DHX32: variants seen among roughly 807,000 people sequenced by gnomAD.
DHX32 encodes DEAH-box helicase 32 (putative), also known as putative pre-mRNA-splicing factor ATP-dependent RNA helicase DHX32.
Under a neutral mutation model 70.0 loss-of-function variants are expected in DHX32, and 51 were observed. The observed-to-expected ratio is 0.73, with a 90% CI of 0.58 to 0.92. The LOEUF is 0.92. DHX32 is among the 40% of genes least tolerant of loss of function. The pLI, the probability that DHX32 is intolerant of heterozygous loss-of-function variation, is 0.00. For missense variants in DHX32, 762 were observed against 891.8 expected (o/e 0.85, Z 1.85); for synonymous variants, 310 against 315.3 (o/e 0.98, Z 0.18).
chr10:125,893,854 C>A (rs1475396840), intron 1 of DHX32, among the ~76,000 whole-genome samples: 1 of 152,392 alleles, frequency 6.6e-6, no homozygotes, highest in South Asian at 2.1e-4. Context: ...ATAACATGTT[C>A]ATTTGCTACA....
intron 1 of DHX32, among the ~76,000 whole-genome samples, chr10:125,886,844 T>A (rs1944343254): frequency 6.6e-6 from 1 of 152,286 alleles, no homozygotes; most frequent in African/African-American, 2.4e-5. Flanking sequence ...AGATCACTGA[T>A]CTTTGTGGGA....
chr10:125,866,799 T>C lies in DHX32; in HGVS notation c.476+191A>G, dbSNP rs1944222985. Among the ~76,000 whole-genome samples, 1 of 152,222 alleles carries C rather than the reference T, an allele frequency of 6.6e-6. No homozygotes were observed. Among genetic ancestry groups the C allele is most frequent in the South Asian group, 2.1e-4 (1 of 4,826 alleles). The stretch of plus-strand genomic sequence containing the variant: ...GGGATAATGGGAGTCATGGGATACA[T>C]TTAGACAAGGAATCCCAGATGATGC... On this transcript the variant is annotated intron_variant, in intron 2 of 10. Coordinates refer to ENST00000284690, the MANE Select transcript of DHX32 (RefSeq NM_018180.3). This position sits in a 1 kb window ranked among gnomAD's most constrained non-coding sequence, Gnocchi z 4.8.
In DHX32 at chr10:125,859,725, C is replaced by A; in HGVS notation, c.727G>T (p.Val243Leu). The change falls in exon 3 of 11, where the codon GTG becomes TTG. Residue 243 changes from valine (V) to leucine (L), a missense_variant. This residue lies in a region of DHX32 where 394 missense variants were observed against 473.1 expected (regional missense o/e 0.83). Transcript: ENST00000284690. ...PVIEVKNKHP[V>L]EVVYLSEAQK... ...GCCTCACTAAGGTACACAACCTCCA[C>A]AGGGTGTTTATTTTTCACTTCTATG... 1.9e-6 allele frequency: 3 copies of A among 1,614,094 alleles called. No homozygotes were observed. The highest frequency in any genetic ancestry group is 2.5e-6 in the Non-Finnish European group (3 of 1,180,016).
At chr10:125,859,041 G>GTTTTTTTTTTTTTTTTTTTTT (rs1168999968) in intron 3 of DHX32, among the ~76,000 whole-genome samples, 2 of 134,204 alleles carry the variant, frequency 1.5e-5, no homozygotes, top group African/African-American at 5.6e-5. Context: ...TTGTTTGTTT[G>GTTTTTTTTTTTTTTTTTTTTT]TTTGTTTTTT....
At chr10:125,872,252 T>TG (rs1167653684) in intron 1 of DHX32, among the ~76,000 whole-genome samples, 2 of 152,234 alleles carry the variant, frequency 1.3e-5, no homozygotes, top group East Asian at 3.8e-4. Context: ...GTTAGAGGTT[T>TG]TGTTTCTACC....
At chr10:125,878,881 G>GT (rs1424020421) in intron 1 of DHX32, among the ~76,000 whole-genome samples, 1 of 143,562 alleles carries the variant, frequency 7.0e-6, no homozygotes, top group African/African-American at 2.6e-5. Flanking sequence ...GCTAATTTTT[G>GT]TATTTTTTAG....
intron 1 of DHX32, among the ~76,000 whole-genome samples, chr10:125,877,507 T>C (rs1944291408): frequency 6.6e-6 from 1 of 152,008 alleles, no homozygotes; most frequent in Non-Finnish European, 1.5e-5. Context: ...GCCAAAATTG[T>C]GAAACCCTGA....
intron 7 of DHX32, 123 bp downstream of exon 7, chr10:125,841,620 T>C: frequency 6.8e-7 from 1 of 1,471,642 alleles, no homozygotes; most frequent in Admixed American, 2.9e-5. Flanking sequence ...TTTCAAAAGG[T>C]TAAATGAGTT....
At chr10:125,836,924 C>G in intron 10 of DHX32, 69 bp from the exon 11 acceptor site, 1 of 1,385,834 alleles carries the variant, frequency 7.2e-7, no homozygotes, top group Non-Finnish European at 1.0e-6. Context: ...AACATTATGT[C>G]TGGGCACTTC....
intron 2 of DHX32, among the ~76,000 whole-genome samples, chr10:125,863,265 A>C (rs563812269): frequency 3.3e-5 from 5 of 152,128 alleles, no homozygotes; most frequent in Non-Finnish European, 7.4e-5. Flanking sequence ...TCACTGTTTC[A>C]AAAAAGGCCA....
In DHX32 at chr10:125,880,451, CTAT is replaced by C. The variant is rs1944310275; in HGVS notation, c.282+89_282+91del. The C allele has an allele frequency of 1.1e-5, 15 of 1,335,330 alleles. No individual in the cohort carries two copies. In the South Asian group the frequency reaches 2.3e-4, roughly 20 times the overall value. The allele number at this position is 1,335,330 out of a possible 1,614,324, so 82.7% of individuals were successfully genotyped here. A position where few individuals can be genotyped will look rare whatever the true frequency, so the allele number is the denominator to read the frequency against. ...AATGTTTTGTTTTTTGTTTTAGACA[CTAT>C]TATTAGAACACTAGGCTGTGACATG... On this transcript the variant is annotated intron_variant, in intron 1 of 10. Transcript: ENST00000284690.
chr10:125,877,856 G>T (rs2134070876), intron 1 of DHX32, among the ~76,000 whole-genome samples: 1 of 152,222 alleles, frequency 6.6e-6, no homozygotes, highest in East Asian at 1.9e-4. Context: ...TCTGAAAAAT[G>T]AAGGGGTTCC....
chr10:125,882,200 G>A (rs1484923235), upstream of DHX32, among the ~76,000 whole-genome samples: 1 of 151,972 alleles, frequency 6.6e-6, no homozygotes, highest in African/African-American at 2.4e-5. Context: ...TAGTGTTGCT[G>A]GAAATAAGCT....
chr10:125,859,543 A>T, intron 3 of DHX32, 60 bp downstream of exon 3: 1 of 1,505,134 alleles, frequency 6.6e-7, no homozygotes, highest in Non-Finnish European at 8.9e-7. Flanking sequence ...TATGTTAGTT[A>T]TTAAAAGCTT....
chr10:125,858,514 A>G (rs1433030655), intron 3 of DHX32, among the ~76,000 whole-genome samples: 5 of 152,232 alleles, frequency 3.3e-5, no homozygotes, highest in Admixed American at 6.5e-5. Flanking sequence ...TAAGAAAACT[A>G]AAGTTCCCAA....
At chr10:125,885,938 G>A (rs1237702383), upstream of DHX32, among the ~76,000 whole-genome samples, 3 of 151,950 alleles carry the variant, frequency 2.0e-5, no homozygotes, top group Non-Finnish European at 4.4e-5. Context: ...GTCAGCTCAT[G>A]TCTCCTCTGC....
chr10:125,860,979 C>T (rs1189268267), intron 2 of DHX32, among the ~76,000 whole-genome samples: 2 of 151,724 alleles, frequency 1.3e-5, no homozygotes, highest in Non-Finnish European at 2.9e-5. Flanking sequence ...GTCTCGATCT[C>T]CTGACCTTGT....
intron 1 of DHX32, among the ~76,000 whole-genome samples, chr10:125,873,667 T>A (rs145119116): frequency 6.6e-6 from 1 of 152,188 alleles, no homozygotes; most frequent in Non-Finnish European, 1.5e-5. Flanking sequence ...TCAACAACAT[T>A]CCTGTAAAAT....
upstream of DHX32, among the ~76,000 whole-genome samples, chr10:125,883,160 A>G (rs1944327584): frequency 6.6e-6 from 1 of 152,194 alleles, no homozygotes; most frequent in East Asian, 1.9e-4. Flanking sequence ...AGTTTTCTGA[A>G]TAGTCTTCTT....
Sources: allele counts gnomAD v4.1 joint callset (sites outside exome capture counted in the v4.1 genomes callset), GRCh38; gene constraint gnomAD v4.1.1; regional missense constraint gnomAD v4.1.1; non-coding constraint Gnocchi (gnomAD v3.1); transcripts MANE v1.5; gene names NCBI Gene and HGNC (gene_info 2026-07-23, HGNC 2026-07-21).